The following ACOXL variants were observed in gnomAD, a reference collection of about 807,000 sequenced individuals.
ACOXL encodes acyl-CoA oxidase like.
In ACOXL, 70 loss-of-function variants were observed where a neutral mutation model predicts 71.9. The ratio of observed to expected loss-of-function variants is 0.97; its 90% confidence interval spans 0.80 to 1.19. The LOEUF is 1.19. ACOXL is among the 50% of genes most tolerant of loss of function. ACOXL has a pLI of 0.00. For synonymous variants in ACOXL, 253 were observed against 281.6 expected, an observed-to-expected ratio of 0.90 and a Z score of 1.02; for missense variants, 703 against 736.3, an observed-to-expected ratio of 0.95 and a Z score of 0.52.
At chr2:111,074,585 A>G (rs2067506458) in intron 16 of ACOXL, among the ~76,000 whole-genome samples, 1 of 151,974 alleles carries the variant, frequency 6.6e-6, no homozygotes, top group African/African-American at 2.4e-5. Context: ...TAATATGATA[A>G]ATAACAATGT....
At position 110,798,607 on chromosome 2, in the gene ACOXL, T is replaced by C; in HGVS notation, c.346-3T>C. On this transcript the variant is annotated splice_region_variant and splice_polypyrimidine_tract_variant and intron_variant, in intron 5 of 17. Transcript: ENST00000439055. ...ACACTGTTGCTCTGCTTTTTCTGTG[T>C]AGGAGTTTGTAATTGACACGCCGTG... 1 of 1,611,728 alleles carries C rather than the reference T, an allele frequency of 6.2e-7. No individual in the cohort carries two copies.
At chr2:110,769,864 C>A (rs1372601911) in intron 2 of ACOXL, among the ~76,000 whole-genome samples, 2 of 151,502 alleles carry the variant, frequency 1.3e-5, no homozygotes, top group Non-Finnish European at 2.9e-5. Flanking sequence ...ATAAAAAACC[C>A]CAAAAACCCC....
intron 9 of ACOXL, among the ~76,000 whole-genome samples, chr2:110,808,564 C>T (rs1184189844): frequency 6.6e-6 from 1 of 152,194 alleles, no homozygotes; most frequent in Non-Finnish European, 1.5e-5. Flanking sequence ...TGACTCCTCA[C>T]TGTACCCCCT....
intron 9 of ACOXL, among the ~76,000 whole-genome samples, chr2:110,832,544 CAAAA>C (rs769471148): frequency 4.5e-5 from 2 of 44,312 alleles, no homozygotes; most frequent in South Asian, 7.6e-4. Context: ...GACTCCATCT[CAAAA>C]AAAAAAAAAA....
Position 111,117,627 on chromosome 2 carries a change from G to A in ACOXL, c.1554G>A (p.Leu518=), listed in dbSNP as rs762062826. Residue 518 remains leucine, a synonymous_variant, in exon 18 of 18, where the codon TTG becomes TTA. Coordinates refer to ENST00000439055, the MANE Select transcript of ACOXL (RefSeq NM_001142807.4). ...GTTGTGTTTTGCAGTTGCTGGATTT[G>A]TGCGACTCGGTGAAGGATGATGCCC... ...STRIRNQLLD[L]CDSVKDDARR... is the part of the protein sequence containing the mutation. 1.4e-5 allele frequency: 22 copies of A among 1,551,672 alleles called. No homozygotes were observed. The South Asian group carries it at 2.3e-4, about 16-fold the overall frequency.
intron 14 of ACOXL, among the ~76,000 whole-genome samples, chr2:111,006,982 T>C (rs933413260): frequency 3.3e-5 from 5 of 152,144 alleles, no homozygotes; most frequent in Admixed American, 1.3e-4. Flanking sequence ...TTAAATTCTC[T>C]TCCTAGGGAA....
At chr2:110,904,444 C>G (rs1021084508) in intron 10 of ACOXL, among the ~76,000 whole-genome samples, 13 of 152,198 alleles carry the variant, frequency 8.5e-5, no homozygotes, top group African/African-American at 3.1e-4. Flanking sequence ...CATCTGCCCT[C>G]CTGCCTCTGT....
At chr2:110,959,460 C>T (rs1424348033) in intron 12 of ACOXL, among the ~76,000 whole-genome samples, 1 of 152,142 alleles carries the variant, frequency 6.6e-6, no homozygotes, top group Non-Finnish European at 1.5e-5. Context: ...TTCCTGGTTT[C>T]CTCCTTCTCC....
intron 11 of ACOXL, among the ~76,000 whole-genome samples, chr2:110,926,092 A>G (rs749264860): frequency 3.5e-4 from 53 of 152,176 alleles, no homozygotes; most frequent in Non-Finnish European, 1.0e-4. Flanking sequence ...ATGTGGGTGC[A>G]GTTTGTGATG....
At chr2:110,791,070 G>A (rs983202975) in intron 3 of ACOXL, among the ~76,000 whole-genome samples, 7 of 152,240 alleles carry the variant, frequency 4.6e-5, no homozygotes, top group Admixed American at 3.3e-4. Flanking sequence ...AAGCATGTCA[G>A]GCCAGGGAGC....
chr2:110,772,393 T>A (rs1364478057), intron 2 of ACOXL, among the ~76,000 whole-genome samples: 1 of 152,194 alleles, frequency 6.6e-6, no homozygotes, highest in Non-Finnish European at 1.5e-5. Context: ...ACTGCTGCAC[T>A]ATGCCTCCTT....
intron 2 of ACOXL, among the ~76,000 whole-genome samples, chr2:110,776,941 G>A (rs1425254465): frequency 6.6e-6 from 1 of 151,830 alleles, no homozygotes; most frequent in East Asian, 1.9e-4. Flanking sequence ...GATGAGAAGT[G>A]GCAGGAATGG....
chr2:110,828,956 CAT>C (rs1689494300), intron 9 of ACOXL, among the ~76,000 whole-genome samples: 1 of 152,140 alleles, frequency 6.6e-6, no homozygotes, highest in Admixed American at 6.5e-5. Flanking sequence ...GGATTACAGG[CAT>C]GCACCACCAC....
chr2:110,820,070 C>G (rs1688417588), intron 9 of ACOXL, among the ~76,000 whole-genome samples: 1 of 152,190 alleles, frequency 6.6e-6, no homozygotes, highest in Admixed American at 6.5e-5. Flanking sequence ...CCATAGACTT[C>G]CGTGTGGTCG....
intron 16 of ACOXL, among the ~76,000 whole-genome samples, chr2:111,052,207 G>A (rs940846445): frequency 2.0e-5 from 3 of 152,162 alleles, no homozygotes; most frequent in African/African-American, 7.2e-5. Flanking sequence ...TAGTCAGCCG[G>A]CAATAGAACT....
At chr2:110,969,411 T>C (rs1272627653) in intron 12 of ACOXL, among the ~76,000 whole-genome samples, 1 of 152,074 alleles carries the variant, frequency 6.6e-6, no homozygotes, top group Non-Finnish European at 1.5e-5. Flanking sequence ...TCAACAAAGT[T>C]GATAACACTC....
At chr2:110,819,452 G>A (rs1481194084) in intron 9 of ACOXL, among the ~76,000 whole-genome samples, 1 of 152,098 alleles carries the variant, frequency 6.6e-6, no homozygotes, top group Non-Finnish European at 1.5e-5. Context: ...ACCGAAGTTG[G>A]GGGAGAAGGT....
chr2:110,927,977 T>G (rs2060339705), intron 11 of ACOXL, among the ~76,000 whole-genome samples: 1 of 152,176 alleles, frequency 6.6e-6, no homozygotes, highest in Non-Finnish European at 1.5e-5. Flanking sequence ...TAGAAAATGA[T>G]TAACAATTTT....
intron 12 of ACOXL, chr2:110,963,603 G>GTGTGTT: frequency 7.7e-7 from 1 of 1,293,096 alleles, no homozygotes; most frequent in South Asian, 1.7e-5. Context: ...GTGTGTGTGT[G>GTGTGTT]TTTTTCTCTT....
Sources: gnomAD v4.1 joint callset for allele counts (sites outside exome capture counted in the v4.1 genomes callset) on GRCh38, gnomAD v4.1.1 for gene constraint, MANE v1.5 for transcripts, NCBI Gene and HGNC (gene_info 2026-07-23, HGNC 2026-07-21) for gene names.